SCARA3: variants seen among roughly 807,000 people sequenced by gnomAD.
The protein encoded by SCARA3 is cellular stress response gene protein.
SCARA3 carries 39 observed loss-of-function variants against 47.0 expected under a neutral mutation model. The ratio of observed to expected loss-of-function variants is 0.83; its 90% CI spans 0.64 to 1.08. The LOEUF is 1.08. SCARA3 is among the 50% of genes least tolerant of loss of function. The probability of loss-of-function intolerance (pLI) is 0.00; values close to 1 mark genes in which losing one functional copy is unlikely to be tolerated. For missense variants in SCARA3, 724 were observed against 792.3 expected (o/e 0.91, Z 1.04); for synonymous variants, 356 against 334.1 (o/e 1.07, Z -0.71).
intron 1 of SCARA3, among the ~76,000 whole-genome samples, chr8:27,639,757 A>G (rs1238013850): frequency 6.6e-6 from 1 of 152,204 alleles, no homozygotes; most frequent in African/African-American, 2.4e-5. Context: ...TAAAGGAGCC[A>G]AGAGGAGCAG....
At chr8:27,732,079 CAG>C in the SCARA3 span, among the ~76,000 whole-genome samples, 1 of 152,196 alleles carries the variant, frequency 6.6e-6, no homozygotes, top group Non-Finnish European at 1.5e-5. Flanking sequence ...ACTGCTGATG[CAG>C]AAACCAAAAC....
chr8:27,637,634 G>A (rs1025622691), intron 1 of SCARA3, among the ~76,000 whole-genome samples: 2 of 152,020 alleles, frequency 1.3e-5, no homozygotes, highest in African/African-American at 4.8e-5. Context: ...TGGCCTCTTT[G>A]CCCCGAGAGA....
intron 5 of SCARA3, among the ~76,000 whole-genome samples, chr8:27,668,149 A>G (rs189644019): frequency 1.3e-4 from 20 of 152,330 alleles, no homozygotes; most frequent in Non-Finnish European, 2.2e-4. Flanking sequence ...ACACCTAGGG[A>G]AAGACTCCCC....
chr8:27,647,618 G>A (rs549371), intron 1 of SCARA3, among the ~76,000 whole-genome samples: 27,612 of 152,198 alleles, frequency 0.18, 3,141 homozygotes, highest in Middle Eastern at 0.33. Context: ...TGGAACTGAA[G>A]CGCTGGGGAA....
the SCARA3 span, among the ~76,000 whole-genome samples, chr8:27,683,137 G>A: frequency 2.6e-5 from 4 of 152,074 alleles, no homozygotes; most frequent in Non-Finnish European, 2.9e-5. Context: ...AAATATGGAT[G>A]AATCTCAAAA....
At chr8:27,713,942 G>A in the SCARA3 span, among the ~76,000 whole-genome samples, 1 of 152,128 alleles carries the variant, frequency 6.6e-6, no homozygotes, top group Non-Finnish European at 1.5e-5. Flanking sequence ...GCTTGGTGCT[G>A]TCTTTGCCAT....
the SCARA3 span, among the ~76,000 whole-genome samples, chr8:27,718,623 A>G: frequency 6.6e-6 from 1 of 152,190 alleles, no homozygotes; most frequent in Non-Finnish European, 1.5e-5. Context: ...CTATCTAAAA[A>G]CAGTGGAATA....
intron 5 of SCARA3, among the ~76,000 whole-genome samples, chr8:27,661,541 A>G (rs963894729): frequency 6.6e-6 from 1 of 152,220 alleles, no homozygotes; most frequent in Non-Finnish European, 1.5e-5. Flanking sequence ...ACACACAGAT[A>G]TATTCATTAA....
At chr8:27,681,070 C>T (rs1563418843), downstream of SCARA3, among the ~76,000 whole-genome samples, 11 of 152,066 alleles carry the variant, frequency 7.2e-5, no homozygotes. Flanking sequence ...GCTTTCTCTC[C>T]AAAATCAAGA....
chr8:27,649,950 G>GAACTCTGCCCT, intron 2 of SCARA3, 150 bp downstream of exon 2: 1 of 657,370 alleles, frequency 1.5e-6, no homozygotes, highest in Non-Finnish European at 2.6e-6. Context: ...AAAGGGCAGA[G>GAACTCTGCCCT]TTCACGGCCC....
At chr8:27,690,145 A>G in the SCARA3 span, among the ~76,000 whole-genome samples, 4 of 152,174 alleles carry the variant, frequency 2.6e-5, no homozygotes, top group Admixed American at 6.5e-5. Context: ...GATAAAATAC[A>G]GGAATTACTC....
chr8:27,675,293 G>T (rs1034674787), downstream of SCARA3, among the ~76,000 whole-genome samples: 1 of 152,242 alleles, frequency 6.6e-6, no homozygotes, highest in Admixed American at 6.5e-5. Flanking sequence ...GGAGAGCAGA[G>T]AGCTGAAAAA....
chr8:27,699,602 G>A, the SCARA3 span, among the ~76,000 whole-genome samples: 1 of 152,102 alleles, frequency 6.6e-6, no homozygotes, highest in South Asian at 2.1e-4. Context: ...TTGAAGAAGA[G>A]TTCAGTTGGA....
intron 1 of SCARA3, among the ~76,000 whole-genome samples, chr8:27,648,599 G>A (rs924194458): frequency 6.6e-6 from 1 of 151,204 alleles, no homozygotes; most frequent in African/African-American, 2.4e-5. Flanking sequence ...GTGAGACTTT[G>A]TCTCAAAAGA....
chr8:27,654,770 A>C lies in SCARA3; in HGVS notation c.227-2012A>C, dbSNP rs577627948. Among the ~76,000 whole-genome samples the C allele has an allele frequency of 2.0e-5, 3 of 148,548 alleles. No homozygotes were observed. The East Asian group carries it at 5.9e-4, about 29-fold the overall frequency. On this transcript the variant is annotated intron_variant, in intron 3 of 5. Transcript: ENST00000301904. Reference sequence around the variant, plus strand: ...ACACTGCTGCACTCCAGCCTGGGTGACAGAGCAAGACTGTCTCACAAAAAA... The same window carrying C: ...ACACTGCTGCACTCCAGCCTGGGTGCCAGAGCAAGACTGTCTCACAAAAAA...
Position 27,643,965 on chromosome 8 carries a change from G to A in SCARA3, c.8-5737G>A, listed in dbSNP as rs34299024. Reference sequence around the variant, plus strand: ...TCCGGGCTATTTTCTACCCCCAAAGGGAGAGCTGAACCAAGCTCAACCCCA... The same window carrying A: ...TCCGGGCTATTTTCTACCCCCAAAGAGAGAGCTGAACCAAGCTCAACCCCA... On this transcript the variant is annotated intron_variant, in intron 1 of 5. Transcript: ENST00000301904. Among the ~76,000 whole-genome samples, 1,197 of 152,250 alleles carry A rather than the reference G, an allele frequency of 7.9e-3. 13 individuals carry two copies. The highest frequency in any genetic ancestry group is 0.016 in the Admixed American group (247 of 15,302).
intron 5 of SCARA3, among the ~76,000 whole-genome samples, chr8:27,669,892 G>T (rs1487610068): frequency 6.6e-6 from 1 of 152,188 alleles, no homozygotes; most frequent in Non-Finnish European, 1.5e-5. Context: ...ACTGGGTACG[G>T]CAGTGGAGGG....
At chr8:27,709,321 C>G in the SCARA3 span, among the ~76,000 whole-genome samples, 74 of 152,272 alleles carry the variant, frequency 4.9e-4, no homozygotes, top group African/African-American at 1.6e-3. Flanking sequence ...TTTGGGGTAA[C>G]TTGGGCCCAG....
chr8:27,695,782 G>GA, the SCARA3 span, among the ~76,000 whole-genome samples: 2 of 151,846 alleles, frequency 1.3e-5, no homozygotes, highest in African/African-American at 4.8e-5. Context: ...CATTGGAAAT[G>GA]AAAAAAGTCA....
Sources: gnomAD v4.1 joint callset for allele counts (sites outside exome capture counted in the v4.1 genomes callset) on GRCh38, gnomAD v4.1.1 for gene constraint, MANE v1.5 for transcripts, NCBI Gene and HGNC (gene_info 2026-07-23, HGNC 2026-07-21) for gene names.